The following SCN7A variants were observed in gnomAD, a reference collection of about 807,000 sequenced individuals.
SCN7A encodes the protein sodium channel protein type 7 subunit alpha.
SCN7A carries 138 observed loss-of-function variants against 155.2 expected under a neutral mutation model. That is an observed-to-expected ratio of 0.89 (90% confidence interval 0.77 to 1.02). The LOEUF (loss-of-function observed/expected upper bound fraction) is 1.02. Ranked by LOEUF, SCN7A falls within the 50% of genes least tolerant of loss-of-function variation. The pLI, the probability that SCN7A is intolerant of heterozygous loss-of-function variation, is 0.00. For synonymous variants in SCN7A, 693 were observed against 649.0 expected, an observed-to-expected ratio of 1.07 and a Z score of -1.03; for missense variants, 2,058 against 1,986.6, an observed-to-expected ratio of 1.04 and a Z score of -0.68.
rs758976398 is a variant in SCN7A at position 166,423,371 on chromosome 2, T to G, written c.2915A>C (p.Asp972Ala). ...AATGAAGATATAAGTAAAGATCATG[T>G]CAGCATATTCTAATAAAATTTTAAT... ...KTIKILLEYADMIFTYIFILE... is the reference protein window; with the variant it reads ...KTIKILLEYAAMIFTYIFILE... The change falls in exon 19 of 26, where the codon GAC becomes GCC. Residue 972 changes from aspartate to alanine, a missense_variant. Physicochemically the swap from Asp to Ala is moderately radical, Grantham distance 126. Transcript: ENST00000643258. The G allele has an allele frequency of 8.1e-6, 13 of 1,607,758 alleles. No individual in the cohort carries two copies. The South Asian group carries it at 1.4e-4, about 18-fold the overall frequency.
At chr2:166,472,741 T>C (rs1354784747) in intron 5 of SCN7A, among the ~76,000 whole-genome samples, 4 of 151,886 alleles carry the variant, frequency 2.6e-5, no homozygotes, top group African/African-American at 9.7e-5. Context: ...GACTTTTAAA[T>C]TTTTTTATTA....
chr2:166,487,140 A>G (rs1367765303), intron 1 of SCN7A, among the ~76,000 whole-genome samples, 172 bp from the exon 2 acceptor site: 2 of 152,130 alleles, frequency 1.3e-5, no homozygotes, highest in Admixed American at 1.3e-4. Context: ...CTAAAGTTCT[A>G]GGTTACTTGG....
At position 166,409,895 on chromosome 2, in the gene SCN7A, T is replaced by G. The variant is rs1330612942; in HGVS notation, c.3752A>C (p.Gln1251Pro). 6.4e-7 allele frequency: 1 copy of G among 1,569,612 alleles called. No individual in the cohort carries two copies. Among genetic ancestry groups the G allele is most frequent in the Admixed American group, 1.9e-5 (1 of 53,780 alleles). ...AACCATAACAATGACATTAAAAGCT[T>G]GGCTTGTTACCACATCAAAGATGAA... ...QGFIFDVVTS[Q>P]AFNVIVMVLI... The change falls in exon 25 of 26, where the codon CAA becomes CCA. Residue 1251 changes from glutamine to proline, a missense_variant. Physicochemically the swap from Gln to Pro is moderately conservative, Grantham distance 76. Transcript: ENST00000643258.
chr2:166,431,047 A>G (rs1053270212), intron 16 of SCN7A, among the ~76,000 whole-genome samples: 5 of 152,110 alleles, frequency 3.3e-5, no homozygotes, highest in Admixed American at 3.3e-4. Context: ...TTTAAGTTAC[A>G]GCTTTCCTAT....
At chr2:166,466,649 T>C (rs983316344) in intron 7 of SCN7A, among the ~76,000 whole-genome samples, 3 of 152,124 alleles carry the variant, frequency 2.0e-5, no homozygotes, top group Non-Finnish European at 2.9e-5. Flanking sequence ...TTTTTGTATA[T>C]AAACTTTCTT....
At chr2:166,475,247 C>T (rs1702772028) in intron 3 of SCN7A, among the ~76,000 whole-genome samples, 1 of 147,896 alleles carries the variant, frequency 6.8e-6, no homozygotes, top group South Asian at 2.1e-4. Flanking sequence ...TTATAGCTTA[C>T]AGTCTAAAAG....
intron 16 of SCN7A, 69 bp downstream of exon 16, chr2:166,432,249 G>A (rs1701747010): frequency 7.9e-6 from 10 of 1,272,756 alleles, no homozygotes; most frequent in Middle Eastern, 4.0e-4. Context: ...GAACTTCGGC[G>A]CTGATTTACT....
chr2:166,412,528 ATC>A lies in SCN7A; in HGVS notation c.3606_3606+1del. Reference sequence around the variant, plus strand: ...GGATAAACAAATAATATTTATACTTATCTTTATTTTATGCTTGTTGAAATTAT... The same window carrying A: ...GGATAAACAAATAATATTTATACTTATTTATTTTATGCTTGTTGAAATTAT... On this transcript the variant is annotated splice_donor_variant and coding_sequence_variant, in exon 23 of 26. Coordinates refer to ENST00000643258, the MANE Select transcript of SCN7A (RefSeq NM_002976.4). LOFTEE classifies it high-confidence loss of function. The A allele has an allele frequency of 6.8e-7, 1 of 1,465,282 alleles. No homozygotes were observed. Among genetic ancestry groups the A allele is most frequent in the Non-Finnish European group, 9.0e-7 (1 of 1,112,298 alleles). The allele number at this position is 1,465,282 out of a possible 1,614,324, so 90.8% of individuals were successfully genotyped here. A position where few individuals can be genotyped will look rare whatever the true frequency, so the allele number is the denominator to read the frequency against.
At position 166,404,424 on chromosome 2, in the gene SCN7A, A is replaced by G. The variant is rs1701021988; in HGVS notation, c.*1156T>C. On this transcript the variant is annotated 3_prime_UTR_variant, in exon 26 of 26. Transcript: ENST00000643258. ...TTAAAAAACTTGAAAACGTAAATATATAAGGGAAAACTAACTTGTACATAC... is the reference window on the plus strand; with the variant it reads ...TTAAAAAACTTGAAAACGTAAATATGTAAGGGAAAACTAACTTGTACATAC... 1 of 151,956 alleles carries G rather than the reference A, an allele frequency of 6.6e-6. No individual in the cohort carries two copies. The highest frequency in any genetic ancestry group is 1.5e-5 in the Non-Finnish European group (1 of 67,922). The allele number at this position is 151,956 out of a possible 1,614,324, so 9.4% of individuals were successfully genotyped here.
At chr2:166,415,416 G>T (rs1181156238) in intron 21 of SCN7A, among the ~76,000 whole-genome samples, 1 of 151,702 alleles carries the variant, frequency 6.6e-6, no homozygotes, top group Non-Finnish European at 1.5e-5. Flanking sequence ...GTACAGATGG[G>T]GTTTCACCAT....
At position 166,417,654 on chromosome 2, in the gene SCN7A, A is replaced by G. The variant is rs558388645; in HGVS notation, c.3136-669T>C. On this transcript the variant is annotated intron_variant, in intron 20 of 25. Coordinates refer to ENST00000643258, the MANE Select transcript of SCN7A (RefSeq NM_002976.4). ...GTATCATGCCAGAAATGATCATTCA[A>G]GATAACTGAACCCATGTGTATGTAT... is the stretch of plus-strand genomic sequence containing the variant. Among the ~76,000 whole-genome samples, 3 of 151,364 alleles carry G rather than the reference A, an allele frequency of 2.0e-5. 1 individual carries two copies. The highest frequency in any genetic ancestry group is 7.3e-5 in the African/African-American group (3 of 41,304).
intron 15 of SCN7A, among the ~76,000 whole-genome samples, chr2:166,435,831 T>C (rs1340408544): frequency 1.3e-5 from 2 of 152,182 alleles, no homozygotes; most frequent in Non-Finnish European, 2.9e-5. Context: ...GTTTGGTTTA[T>C]GTAACCAGTC....
chr2:166,486,482 G>A (rs1378669136), intron 2 of SCN7A, among the ~76,000 whole-genome samples: 2 of 152,176 alleles, frequency 1.3e-5, no homozygotes, highest in African/African-American at 4.8e-5. Context: ...TACGAGTACA[G>A]AGAAGATGAG....
chr2:166,441,645 T>C lies in SCN7A; in HGVS notation c.1908A>G (p.Thr636=). The C allele has an allele frequency of 1.2e-6, 2 of 1,613,858 alleles. No homozygotes were observed. Among genetic ancestry groups the C allele is most frequent in the Non-Finnish European group, 1.7e-6 (2 of 1,179,806 alleles). ...ALKDLVLLLF[T]FIFFSAAFGM... Reference sequence around the variant, plus strand: ...CGAATGCAGCAGAAAAGAAGATGAATGTGAACAACAACAGGACCAAGTCTT... The same window carrying C: ...CGAATGCAGCAGAAAAGAAGATGAACGTGAACAACAACAGGACCAAGTCTT... The change falls in exon 15 of 26, where the codon ACA becomes ACG. Residue 636 remains threonine (T), a synonymous_variant. Transcript: ENST00000643258.
rs930827583 is a variant in SCN7A at position 166,406,165 on chromosome 2, T to C, written c.4464A>G (p.Val1488=). 1.2e-6 allele frequency: 2 copies of C among 1,612,218 alleles called. No homozygotes were observed. The highest frequency in any genetic ancestry group is 2.7e-5 in the African/African-American group (2 of 74,782). The change falls in exon 26 of 26, where the codon GTA becomes GTG. Residue 1488 remains valine, a synonymous_variant. Transcript: ENST00000643258. ...SYILISWLII[V]NMYIVVVMEF... is the part of the protein sequence containing the mutation. ...CCATGACAACAACAATGTACATATT[T>C]ACAATGATCAGCCATGATATGAGGA...
At chr2:166,420,365 C>A (rs1015389773) in intron 20 of SCN7A, among the ~76,000 whole-genome samples, 22 of 152,042 alleles carry the variant, frequency 1.4e-4, no homozygotes, top group Non-Finnish European at 3.2e-4. Flanking sequence ...ATTAAAGTGG[C>A]AGACTGATAT....
intron 2 of SCN7A, among the ~76,000 whole-genome samples, chr2:166,482,396 G>C (rs1020850074): frequency 2.6e-5 from 4 of 151,958 alleles, no homozygotes; most frequent in African/African-American, 4.8e-5. Flanking sequence ...CATAGTCCTA[G>C]TATAATATCC....
chr2:166,467,895 CTTT>C lies in SCN7A; in HGVS notation c.665-1911_665-1909del, dbSNP rs530894310. On this transcript the variant is annotated intron_variant, in intron 7 of 25. Transcript: ENST00000643258. ...AGGTTTACACTGGAATATACCTTTACTTTTTTTTATTTCTATATTCTCCTTATT... is the reference window on the plus strand; with the variant it reads ...AGGTTTACACTGGAATATACCTTTACTTTTTATTTCTATATTCTCCTTATT... Among the ~76,000 whole-genome samples, 11 of 151,758 alleles carry C rather than the reference CTTT, an allele frequency of 7.2e-5. No homozygotes were observed. In the East Asian group the frequency reaches 2.1e-3, roughly 29 times the overall value.
Position 166,413,101 on chromosome 2 carries a change from G to T in SCN7A, c.3435C>A (p.Ile1145=). 1 of 1,530,476 alleles carries T rather than the reference G, an allele frequency of 6.5e-7. No homozygotes were observed. The highest frequency in any genetic ancestry group is 8.8e-7 in the Non-Finnish European group (1 of 1,133,390). 94.8% of individuals were successfully genotyped at this position (1,530,476 alleles called of 1,614,324 possible). ...LLQVATFNGW[I]TIMNSAIDSV... ...AATCAATTGCTGAATTCATAATAGTGATCCATCCATTAAATGTTGCCTGTA... is the reference window on the plus strand; with the variant it reads ...AATCAATTGCTGAATTCATAATAGTTATCCATCCATTAAATGTTGCCTGTA... Residue 1145 remains isoleucine (I), a synonymous_variant, in exon 22 of 26, where the codon ATC becomes ATA. Coordinates refer to ENST00000643258, the MANE Select transcript of SCN7A (RefSeq NM_002976.4).
Sources: allele counts gnomAD v4.1 joint callset (sites outside exome capture counted in the v4.1 genomes callset), GRCh38; gene constraint gnomAD v4.1.1; transcripts MANE v1.5; gene names NCBI Gene and HGNC (gene_info 2026-07-23, HGNC 2026-07-21).